STARD13: variants seen among roughly 807,000 people sequenced by gnomAD.
STARD13 encodes StAR related lipid transfer domain containing 13, also known as stAR-related lipid transfer protein 13.
STARD13 carries 62 observed loss-of-function variants against 106.4 expected under a neutral mutation model. That is an observed-to-expected ratio of 0.58 (90% CI 0.48 to 0.72). The LOEUF is 0.72. STARD13 is among the 30% of genes least tolerant of loss of function. STARD13 has a pLI of 0.00. For missense variants in STARD13, 1,387 were observed against 1,424.0 expected (o/e 0.97, Z 0.42); for synonymous variants, 565 against 553.0 (o/e 1.02, Z -0.31).
intron 1 of STARD13, among the ~76,000 whole-genome samples, chr13:33,283,754 A>T (rs1275109911): frequency 6.6e-6 from 1 of 152,212 alleles, no homozygotes; most frequent in Non-Finnish European, 1.5e-5. Context: ...ATGAAACATA[A>T]ACTGAGGGTG....
the STARD13 span, among the ~76,000 whole-genome samples, chr13:33,510,351 A>G: frequency 3.3e-5 from 5 of 152,158 alleles, no homozygotes; most frequent in Non-Finnish European, 7.4e-5. Flanking sequence ...AATTTTATAA[A>G]TAGAAAGAAG....
chr13:33,238,274 A>T (rs2138236268), intron 1 of STARD13, among the ~76,000 whole-genome samples: 1 of 152,298 alleles, frequency 6.6e-6, no homozygotes, highest in East Asian at 1.9e-4. Context: ...TGGCAAAACC[A>T]GATTTCAAGA....
intron 1 of STARD13, among the ~76,000 whole-genome samples, chr13:33,329,383 T>A (rs1019964944): frequency 1.3e-5 from 2 of 152,166 alleles, no homozygotes; most frequent in Admixed American, 6.5e-5. Context: ...AACATATCTA[T>A]TCCCTGTATA....
At chr13:33,122,450 T>A (rs1346698964) in intron 7 of STARD13, among the ~76,000 whole-genome samples, 1 of 152,214 alleles carries the variant, frequency 6.6e-6, no homozygotes, top group Non-Finnish European at 1.5e-5. Context: ...ACACTTAGTT[T>A]AATGCTCTGC....
the STARD13 span, among the ~76,000 whole-genome samples, chr13:33,389,802 T>A: frequency 6.6e-6 from 1 of 152,144 alleles, no homozygotes; most frequent in African/African-American, 2.4e-5. Flanking sequence ...TTTATCTTCG[T>A]TTATTATGTT....
At chr13:33,421,641 A>G in the STARD13 span, among the ~76,000 whole-genome samples, 3 of 152,200 alleles carry the variant, frequency 2.0e-5, no homozygotes, top group Non-Finnish European at 2.9e-5. Context: ...AGACACAACA[A>G]TAAAAGAGAA....
chr13:33,465,994 G>A, the STARD13 span, among the ~76,000 whole-genome samples: 29 of 152,154 alleles, frequency 1.9e-4, no homozygotes, highest in Non-Finnish European at 3.5e-4. Flanking sequence ...TGATTCCAGA[G>A]TCCCCACTGA....
At position 33,129,480 on chromosome 13, in the gene STARD13, C is replaced by T; in HGVS notation, c.1197G>A (p.Lys399=). 2 of 1,614,214 alleles carry T rather than the reference C, an allele frequency of 1.2e-6. No homozygotes were observed. ...SQENLVVHIP[K]DHKPGTFPKA... is the part of the protein sequence containing the mutation. Reference sequence around the variant, plus strand: ...TGGGGAATGTTCCTGGTTTGTGATCCTTGGGAATATGCACCACCAAATTCT... The same window carrying T: ...TGGGGAATGTTCCTGGTTTGTGATCTTTGGGAATATGCACCACCAAATTCT... Residue 399 remains lysine (K), a synonymous_variant, in exon 5 of 14, where the codon AAG becomes AAA. Transcript: ENST00000336934.
the STARD13 span, among the ~76,000 whole-genome samples, chr13:33,598,138 T>A: frequency 2.6e-5 from 4 of 152,204 alleles, no homozygotes; most frequent in Non-Finnish European, 5.9e-5. Context: ...ATGTCCTTTT[T>A]TGCTAAGCCA....
At chr13:33,467,372 G>T in the STARD13 span, among the ~76,000 whole-genome samples, 1 of 152,120 alleles carries the variant, frequency 6.6e-6, no homozygotes. Context: ...TGCTGCAGCT[G>T]ATCTGACAGG....
chr13:33,315,147 A>G (rs1194316469), intron 1 of STARD13, among the ~76,000 whole-genome samples: 1 of 152,214 alleles, frequency 6.6e-6, no homozygotes, highest in African/African-American at 2.4e-5. Flanking sequence ...ATGTAAACTA[A>G]AATGAGCTTA....
At chr13:33,528,724 A>C in the STARD13 span, among the ~76,000 whole-genome samples, 1 of 152,114 alleles carries the variant, frequency 6.6e-6, no homozygotes, top group Non-Finnish European at 1.5e-5. Flanking sequence ...CCAGTTTTTC[A>C]TACTTCCTAG....
At chr13:33,172,080 A>G (rs1884026650) in intron 1 of STARD13, among the ~76,000 whole-genome samples, 1 of 152,226 alleles carries the variant, frequency 6.6e-6, no homozygotes, top group Non-Finnish European at 1.5e-5. Flanking sequence ...GAAAGTCACA[A>G]TGAATGAAAA....
At chr13:33,656,487 A>T in the STARD13 span, among the ~76,000 whole-genome samples, 1 of 152,218 alleles carries the variant, frequency 6.6e-6, no homozygotes, top group African/African-American at 2.4e-5. Flanking sequence ...CTCATAAAAA[A>T]TTAGGTTATG....
chr13:33,673,780 G>A, the STARD13 span, among the ~76,000 whole-genome samples: 2 of 151,816 alleles, frequency 1.3e-5, no homozygotes, highest in Non-Finnish European at 2.9e-5. Context: ...CCTGTGATCT[G>A]CCTGCCTTGG....
the STARD13 span, among the ~76,000 whole-genome samples, chr13:33,554,197 A>AT: frequency 6.6e-6 from 1 of 152,138 alleles, no homozygotes; most frequent in Non-Finnish European, 1.5e-5. Flanking sequence ...AGGAGATGTA[A>AT]TTTTTTTAGC....
the STARD13 span, among the ~76,000 whole-genome samples, chr13:33,598,004 ATTTG>A: frequency 6.6e-6 from 1 of 152,186 alleles, no homozygotes; most frequent in African/African-American, 2.4e-5. Flanking sequence ...GAATGATGCT[ATTTG>A]TTCTACAAAT....
At chr13:33,501,051 TC>T in the STARD13 span, among the ~76,000 whole-genome samples, 2 of 144,974 alleles carry the variant, frequency 1.4e-5, no homozygotes, top group South Asian at 4.4e-4. Flanking sequence ...CCCTGCCACA[TC>T]ACATTTCTTT....
the STARD13 span, among the ~76,000 whole-genome samples, chr13:33,597,052 A>C: frequency 6.6e-6 from 1 of 152,186 alleles, no homozygotes. Flanking sequence ...ATAAATACCC[A>C]GTGGTGGGAT....
Sources: gnomAD v4.1 joint callset for allele counts (sites outside exome capture counted in the v4.1 genomes callset) on GRCh38, gnomAD v4.1.1 for gene constraint, MANE v1.5 for transcripts, NCBI Gene and HGNC (gene_info 2026-07-23, HGNC 2026-07-21) for gene names.